Variants in UNC13C observed in about 807,000 individuals in gnomAD.
UNC13C encodes protein unc-13 homolog C.
Under a neutral mutation model 245.4 loss-of-function variants are expected in UNC13C, and 174 were observed. The observed-to-expected ratio is 0.71, with a 90% confidence interval of 0.63 to 0.80. The LOEUF (loss-of-function observed/expected upper bound fraction) is 0.80, where lower values mean the gene tolerates loss of function less well. UNC13C is among the 30% of genes least tolerant of loss of function. UNC13C has a pLI of 0.00. For missense variants in UNC13C, 2,829 were observed against 2,602.9 expected, an observed-to-expected ratio of 1.09 and a Z score of -1.89; for synonymous variants, 992 against 895.1, an observed-to-expected ratio of 1.11 and a Z score of -1.93.
At chr15:54,399,983 T>C (rs1213385353) in intron 18 of UNC13C, among the ~76,000 whole-genome samples, 1 of 152,046 alleles carries the variant, frequency 6.6e-6, no homozygotes, top group Non-Finnish European at 1.5e-5. Context: ...GACTATGCAG[T>C]AGAGTCCTGT....
chr15:54,252,220 C>T (rs1015184711), intron 8 of UNC13C, among the ~76,000 whole-genome samples: 1 of 151,916 alleles, frequency 6.6e-6, no homozygotes, highest in Non-Finnish European at 1.5e-5. Flanking sequence ...AATGATGCCA[C>T]TCATACCTAC....
In UNC13C at chr15:54,379,961, G is replaced by C. The variant is rs577010869; in HGVS notation, c.4714-13087G>C. 2.6e-5 allele frequency among the ~76,000 whole-genome samples: 4 copies of C among 152,124 alleles called. No homozygotes were observed. In the East Asian group the frequency reaches 7.7e-4, roughly 29 times the overall value. On this transcript the variant is annotated intron_variant, in intron 17 of 32. Transcript: ENST00000260323. The stretch of plus-strand genomic sequence containing the variant: ...AATCTAGCTAATTGATATATACATT[G>C]CCTCACATAGTTATTATTTCTATGG...
intron 24 of UNC13C, among the ~76,000 whole-genome samples, chr15:54,523,095 C>T (rs569863963): frequency 7.2e-4 from 109 of 152,308 alleles, no homozygotes; most frequent in African/African-American, 2.6e-3. Flanking sequence ...AATGAGCTCT[C>T]AGCTCCCAAT....
chr15:54,389,819 C>T (rs890578230), intron 17 of UNC13C, among the ~76,000 whole-genome samples: 1 of 152,050 alleles, frequency 6.6e-6, no homozygotes, highest in South Asian at 2.1e-4. Flanking sequence ...ACCGCCACCT[C>T]TCAGGTTCGA....
At chr15:54,196,547 C>T (rs937502652) in intron 4 of UNC13C, among the ~76,000 whole-genome samples, 5 of 152,112 alleles carry the variant, frequency 3.3e-5, no homozygotes, top group Admixed American at 6.6e-5. Flanking sequence ...AAGTTGCAGA[C>T]CATGTTCACT....
rs796574834 is a variant in UNC13C, at chr15:54,264,044, C to T, written c.3449-124C>T. 8 of 904,638 alleles carry T rather than the reference C, an allele frequency of 8.8e-6. No homozygotes were observed. The African/African-American group carries it at 1.2e-4, about 13-fold the overall frequency. The allele number at this position is 904,638 out of a possible 1,614,324, so 56.0% of individuals were successfully genotyped here. A position where few individuals can be genotyped will look rare whatever the true frequency, so the allele number is the denominator to read the frequency against. Reference sequence around the variant, plus strand: ...TTCATTATGATATTTTTCTAAAAAGCCACCTGACTCCACAGAATGAAAGCA... The same window carrying T: ...TTCATTATGATATTTTTCTAAAAAGTCACCTGACTCCACAGAATGAAAGCA... On this transcript the variant is annotated intron_variant, in intron 8 of 32. Transcript: ENST00000260323.
At chr15:53,890,511 G>A in the UNC13C span, among the ~76,000 whole-genome samples, 19 of 152,174 alleles carry the variant, frequency 1.2e-4, no homozygotes, top group Non-Finnish European at 2.6e-4. Flanking sequence ...TTTTGGGTTG[G>A]TAGACTACTA....
chr15:54,625,335 G>GCAAA (rs1901065501), intron 32 of UNC13C, among the ~76,000 whole-genome samples: 1 of 152,054 alleles, frequency 6.6e-6, no homozygotes, highest in Admixed American at 6.5e-5. Context: ...GCATTCTATT[G>GCAAA]CAAACAGCAA....
the UNC13C span, among the ~76,000 whole-genome samples, chr15:53,971,957 C>A: frequency 6.6e-6 from 1 of 152,136 alleles, no homozygotes; most frequent in Non-Finnish European, 1.5e-5. Context: ...ATAGATGACT[C>A]ATAAATCAAA....
chr15:54,298,257 C>T (rs1312081508), intron 12 of UNC13C, among the ~76,000 whole-genome samples: 2 of 152,124 alleles, frequency 1.3e-5, no homozygotes, highest in African/African-American at 4.8e-5. Flanking sequence ...AGAAATGAGT[C>T]ATGCCACATA....
intron 2 of UNC13C, among the ~76,000 whole-genome samples, chr15:54,105,480 T>C (rs1406468226): frequency 6.6e-6 from 1 of 152,208 alleles, no homozygotes; most frequent in Non-Finnish European, 1.5e-5. Flanking sequence ...GGTTTTCATA[T>C]ATTTTTTATT....
At chr15:54,224,959 G>C (rs1179812114) in intron 4 of UNC13C, among the ~76,000 whole-genome samples, 1 of 149,654 alleles carries the variant, frequency 6.7e-6, no homozygotes, top group East Asian at 1.9e-4. Context: ...AGCCTCCAAT[G>C]ATCCTTTGAA....
At chr15:54,243,458 A>G (rs1388937007) in intron 7 of UNC13C, among the ~76,000 whole-genome samples, 1 of 152,126 alleles carries the variant, frequency 6.6e-6, no homozygotes, top group Non-Finnish European at 1.5e-5. Flanking sequence ...GCATGCATGT[A>G]TCTTTACAAC....
intron 13 of UNC13C, among the ~76,000 whole-genome samples, chr15:54,301,824 A>G (rs369631044): frequency 2.0e-5 from 3 of 152,298 alleles, no homozygotes; most frequent in African/African-American, 4.8e-5. Flanking sequence ...TTGCTGGGTC[A>G]AATGGTATTT....
At chr15:54,501,660 G>T (rs796836721) in intron 22 of UNC13C, among the ~76,000 whole-genome samples, 5 of 152,228 alleles carry the variant, frequency 3.3e-5, no homozygotes, top group African/African-American at 9.6e-5. Context: ...GAAAGATGAC[G>T]TGAAAAGGGA....
intron 6 of UNC13C, among the ~76,000 whole-genome samples, chr15:54,236,671 A>G (rs2035709009): frequency 6.6e-6 from 1 of 152,176 alleles, no homozygotes; most frequent in Non-Finnish European, 1.5e-5. Flanking sequence ...TAGGGAATAT[A>G]TTTTTCAAAG....
intron 10 of UNC13C, among the ~76,000 whole-genome samples, chr15:54,290,909 G>T (rs2037280486): frequency 6.6e-6 from 1 of 151,946 alleles, no homozygotes; most frequent in African/African-American, 2.4e-5. Context: ...AAACTCTGAT[G>T]ATTTATTTAT....
intron 12 of UNC13C, 146 bp from the exon 13 acceptor site, chr15:54,300,064 A>C: frequency 2.7e-6 from 2 of 734,874 alleles, no homozygotes; most frequent in Non-Finnish European, 4.3e-6. Flanking sequence ...GTTAGAATAA[A>C]AATTCAAGAT....
chr15:54,442,007 T>C (rs994909945), intron 19 of UNC13C, among the ~76,000 whole-genome samples: 2 of 152,040 alleles, frequency 1.3e-5, no homozygotes, highest in African/African-American at 4.8e-5. Context: ...ACACTACTGC[T>C]TTTGTGTATT....
Sources: allele counts gnomAD v4.1 joint callset (sites outside exome capture counted in the v4.1 genomes callset), GRCh38; gene constraint gnomAD v4.1.1; transcripts MANE v1.5; gene names NCBI Gene and HGNC (gene_info 2026-07-23, HGNC 2026-07-21).